Variants in CCM2 observed in about 807,000 individuals in gnomAD.
CCM2 encodes cerebral cavernous malformations 2 protein.
A neutral mutation model predicts 44.9 loss-of-function variants in CCM2; 25 were observed. The ratio of observed to expected loss-of-function variants is 0.56; its 90% CI spans 0.41 to 0.78. The LOEUF (loss-of-function observed/expected upper bound fraction) is 0.78. CCM2 is among the 30% of genes least tolerant of loss of function. The pLI is 0.00. For missense variants in CCM2, 481 were observed against 580.6 expected, an observed-to-expected ratio of 0.83 and a Z score of 1.76; for synonymous variants, 219 against 241.1, an observed-to-expected ratio of 0.91 and a Z score of 0.85.
chr7:45,057,541 T>G (rs1361519981), intron 2 of CCM2, among the ~76,000 whole-genome samples: 2 of 152,206 alleles, frequency 1.3e-5, no homozygotes, highest in African/African-American at 4.8e-5. Context: ...TGTAGTAAGT[T>G]TTGAAATCAG....
chr7:45,070,056 GCA>G, intron 6 of CCM2, 95 bp downstream of exon 6: 1 of 1,491,386 alleles, frequency 6.7e-7, no homozygotes, highest in Non-Finnish European at 9.2e-7. Context: ...CTGGAATAGC[GCA>G]GTTACTGCCG....
At chr7:45,062,819 C>T (rs1402541744) in intron 2 of CCM2, among the ~76,000 whole-genome samples, 4 of 105,172 alleles carry the variant, frequency 3.8e-5, no homozygotes, top group African/African-American at 2.0e-4. Flanking sequence ...AGAGTGAGAC[C>T]CTGTCTCAAA....
At chr7:45,046,481 G>A (rs1797762280) in intron 2 of CCM2, among the ~76,000 whole-genome samples, 2 of 152,210 alleles carry the variant, frequency 1.3e-5, no homozygotes. Context: ...AGGTTCATAA[G>A]CAATTCAGTG....
rs897634527 is a variant in CCM2, at chr7:45,076,305, T to C, written c.*248T>C. The C allele has an allele frequency of 3.7e-5, 25 of 672,846 alleles. No individual in the cohort carries two copies. The highest frequency in any genetic ancestry group is 5.9e-5 in the Non-Finnish European group (22 of 370,324). 41.7% of individuals were successfully genotyped at this position (672,846 alleles called of 1,614,324 possible). A position where few individuals can be genotyped will look rare whatever the true frequency, so the allele number is the denominator to read the frequency against. On this transcript the variant is annotated 3_prime_UTR_variant, in exon 10 of 10. Transcript: ENST00000258781. Reference sequence around the variant, plus strand: ...GGGCTCAGCCAAGCCCTGCAGTGTGTCCCCGCTCGGGGAGGGCCCGGCCGA... The same window carrying C: ...GGGCTCAGCCAAGCCCTGCAGTGTGCCCCCGCTCGGGGAGGGCCCGGCCGA...
chr7:45,005,423 A>G (rs951669288), intron 1 of CCM2, among the ~76,000 whole-genome samples: 1 of 152,260 alleles, frequency 6.6e-6, no homozygotes, highest in Non-Finnish European at 1.5e-5. Context: ...CGTTTCTCTT[A>G]GCAATATTAT....
chr7:45,025,658 C>T (rs917292802), intron 1 of CCM2, among the ~76,000 whole-genome samples: 4 of 152,020 alleles, frequency 2.6e-5, no homozygotes, highest in Non-Finnish European at 4.4e-5. Flanking sequence ...TTCAGCCTCC[C>T]GAATAGCTGG....
chr7:45,051,420 C>T (rs1798000567), intron 2 of CCM2, among the ~76,000 whole-genome samples: 1 of 139,394 alleles, frequency 7.2e-6, no homozygotes, highest in African/African-American at 3.0e-5. Flanking sequence ...TTTATTGAGA[C>T]ATAGTCTCGT....
intron 8 of CCM2, chr7:45,074,039 C>T: frequency 1.2e-6 from 1 of 851,610 alleles, no homozygotes. Flanking sequence ...CTCTGTGTTC[C>T]AGCTCAGGAG....
intron 1 of CCM2, among the ~76,000 whole-genome samples, chr7:45,024,246 A>T (rs1278546132): frequency 6.6e-6 from 1 of 152,212 alleles, no homozygotes; most frequent in African/African-American, 2.4e-5. Flanking sequence ...TCTTCAGCTG[A>T]TAATAACTTC....
chr7:45,025,318 A>T (rs1358258193), intron 1 of CCM2, among the ~76,000 whole-genome samples: 1 of 152,138 alleles, frequency 6.6e-6, no homozygotes, highest in Non-Finnish European at 1.5e-5. Flanking sequence ...AAAGTTGGTG[A>T]TTCCCTTTAT....
intron 3 of CCM2, among the ~76,000 whole-genome samples, chr7:45,064,203 T>A (rs1798656221): frequency 6.6e-6 from 1 of 152,210 alleles, no homozygotes; most frequent in Non-Finnish European, 1.5e-5. Context: ...TTGGGCTGTT[T>A]CCAAAATTTA....
chr7:45,038,724 G>A (rs1395588704), intron 2 of CCM2, among the ~76,000 whole-genome samples: 2 of 152,158 alleles, frequency 1.3e-5, no homozygotes, highest in Non-Finnish European at 2.9e-5. Flanking sequence ...TAAAGAGCTG[G>A]GAGAAAACTC....
At chr7:45,060,830 C>T (rs968014382) in intron 2 of CCM2, among the ~76,000 whole-genome samples, 1 of 152,206 alleles carries the variant, frequency 6.6e-6, no homozygotes, top group Admixed American at 6.5e-5. Flanking sequence ...CCTATCTGTT[C>T]TTACATGATG....
chr7:45,033,693 C>T (rs1335344540), intron 1 of CCM2, among the ~76,000 whole-genome samples: 4 of 152,184 alleles, frequency 2.6e-5, no homozygotes, highest in Admixed American at 2.0e-4. Flanking sequence ...AAGCTGGGCT[C>T]ATGGGCCAAA....
At chr7:45,025,081 A>T (rs1172201699) in intron 1 of CCM2, among the ~76,000 whole-genome samples, 1 of 152,190 alleles carries the variant, frequency 6.6e-6, no homozygotes, top group Non-Finnish European at 1.5e-5. Context: ...CAGGGTTGGC[A>T]AACTTCATGT....
intron 1 of CCM2, among the ~76,000 whole-genome samples, chr7:45,035,969 A>G (rs1797199333): frequency 6.6e-6 from 1 of 152,156 alleles, no homozygotes; most frequent in South Asian, 2.1e-4. Context: ...TATGTAGATT[A>G]TTGTATTGAT....
intron 2 of CCM2, among the ~76,000 whole-genome samples, chr7:45,063,466 A>G (rs1358102755): frequency 6.6e-6 from 1 of 152,168 alleles, no homozygotes; most frequent in Non-Finnish European, 1.5e-5. Flanking sequence ...AAACCATAGC[A>G]CTTCATTTCT....
At chr7:45,064,137 AGAC>A in intron 3 of CCM2, 136 bp downstream of exon 3, 3 of 671,372 alleles carry the variant, frequency 4.5e-6, no homozygotes, top group Non-Finnish European at 7.9e-6. Context: ...TTGGCCATAA[AGAC>A]TATTCCTTAG....
chr7:45,057,397 G>A (rs1335676630), intron 2 of CCM2, among the ~76,000 whole-genome samples: 11 of 152,144 alleles, frequency 7.2e-5, no homozygotes, highest in African/African-American at 2.7e-4. Context: ...TACTGACCTC[G>A]TGATCCACCC....
Sources: allele counts gnomAD v4.1 joint callset (sites outside exome capture counted in the v4.1 genomes callset), GRCh38; gene constraint gnomAD v4.1.1; transcripts MANE v1.5; gene names NCBI Gene and HGNC (gene_info 2026-07-23, HGNC 2026-07-21).